Variants in MAPKAP1 observed in about 807,000 individuals in gnomAD.
MAPKAP1 encodes target of rapamycin complex 2 subunit MAPKAP1.
In MAPKAP1, 20 loss-of-function variants were observed where a neutral mutation model predicts 65.7. The ratio of observed to expected loss-of-function variants is 0.30; its 90% CI spans 0.21 to 0.44. The LOEUF is 0.44. Among genes scored for constraint, MAPKAP1 ranks in the 20% least tolerant of loss-of-function variants. MAPKAP1 has a pLI of 1.00. For missense variants in MAPKAP1, 423 were observed against 648.0 expected (o/e 0.65, Z 3.77); for synonymous variants, 222 against 244.3 (o/e 0.91, Z 0.85).
chr9:125,510,929 GT>G (rs1186551847), intron 7 of MAPKAP1, among the ~76,000 whole-genome samples: 2 of 152,098 alleles, frequency 1.3e-5, no homozygotes, highest in African/African-American at 4.8e-5. Flanking sequence ...TAGCCAGGTG[GT>G]TAAGGGCATA....
chr9:125,503,805 C>T (rs1462236894), intron 8 of MAPKAP1, among the ~76,000 whole-genome samples: 1 of 150,360 alleles, frequency 6.7e-6, no homozygotes, highest in East Asian at 1.9e-4. Flanking sequence ...CAACCTCTGC[C>T]TCTCAGGCCC....
At chr9:125,518,986 A>G (rs1217369219) in intron 7 of MAPKAP1, among the ~76,000 whole-genome samples, 1 of 152,220 alleles carries the variant, frequency 6.6e-6, no homozygotes, top group Non-Finnish European at 1.5e-5. Flanking sequence ...GGTTTTTGAC[A>G]GTAGATCATT....
At chr9:125,475,230 C>T (rs376879836) in intron 9 of MAPKAP1, among the ~76,000 whole-genome samples, 49 of 152,240 alleles carry the variant, frequency 3.2e-4, no homozygotes, top group African/African-American at 1.1e-3. Flanking sequence ...AGGGCTTAAA[C>T]AGACCAGCTC....
intron 4 of MAPKAP1, among the ~76,000 whole-genome samples, chr9:125,628,254 A>G (rs1833171924): frequency 6.6e-6 from 1 of 152,218 alleles, no homozygotes; most frequent in African/African-American, 2.4e-5. Context: ...AACACCACAC[A>G]CAACCCACAA....
chr9:125,561,965 C>T (rs1017933944), intron 5 of MAPKAP1, among the ~76,000 whole-genome samples: 2 of 152,104 alleles, frequency 1.3e-5, no homozygotes, highest in Non-Finnish European at 2.9e-5. Flanking sequence ...TCAACATGTC[C>T]ACTGTGTTCC....
intron 1 of MAPKAP1, among the ~76,000 whole-genome samples, chr9:125,688,790 T>G (rs1835066813): frequency 1.3e-5 from 2 of 152,174 alleles, no homozygotes; most frequent in African/African-American, 4.8e-5. Flanking sequence ...TGAGGTAGAT[T>G]CTATTATTCT....
chr9:125,521,785 G>A (rs1829625520), intron 7 of MAPKAP1: 2 of 1,610,236 alleles, frequency 1.2e-6, no homozygotes, highest in East Asian at 2.2e-5. Flanking sequence ...AAAAACAGAA[G>A]AAACAAAAAT....
chr9:125,495,597 T>A (rs912619708), intron 8 of MAPKAP1, among the ~76,000 whole-genome samples: 1 of 152,252 alleles, frequency 6.6e-6, no homozygotes, highest in African/African-American at 2.4e-5. Context: ...TAAGACCAAT[T>A]TCCCTTGAAT....
At chr9:125,632,744 G>A (rs1216316678) in intron 4 of MAPKAP1, among the ~76,000 whole-genome samples, 1 of 152,120 alleles carries the variant, frequency 6.6e-6, no homozygotes, top group Non-Finnish European at 1.5e-5. Context: ...GAACACACAA[G>A]AGACCTACAG....
intron 1 of MAPKAP1, among the ~76,000 whole-genome samples, chr9:125,679,064 C>T (rs1313125127): frequency 2.6e-5 from 4 of 151,190 alleles, no homozygotes; most frequent in Non-Finnish European, 5.9e-5. Context: ...TGCAGCAGTG[C>T]GATCCTGGCT....
chr9:125,703,905 A>G (rs960096900), intron 1 of MAPKAP1, among the ~76,000 whole-genome samples: 2 of 152,218 alleles, frequency 1.3e-5, no homozygotes, highest in African/African-American at 4.8e-5. Flanking sequence ...AGGCTGAATC[A>G]TATAAATCCA....
At position 125,506,379 on chromosome 9, in the gene MAPKAP1, C is replaced by T. The variant is rs991185316; in HGVS notation, c.997G>A (p.Val333Ile). ...YRLEKQSEPN[V>I]AVDLDSTLES... ...AAAGTGCTGTCCAGGTCAACGGCGACATTGGGCTCGCTCTGCTTCTCCAGG... is the reference window on the plus strand; with the variant it reads ...AAAGTGCTGTCCAGGTCAACGGCGATATTGGGCTCGCTCTGCTTCTCCAGG... Residue 333 changes from valine to isoleucine, a missense_variant, in exon 8 of 12, where the codon GTC becomes ATC. Physicochemically the swap from Val to Ile is conservative, Grantham distance 29. Around this residue, in one of 6 missense-constraint regions of MAPKAP1, gnomAD observed 185 missense variants for 268.1 expected, o/e 0.69. Transcript: ENST00000265960. The T allele has an allele frequency of 2.2e-5, 35 of 1,614,150 alleles. No individual in the cohort carries two copies. The highest frequency in any genetic ancestry group is 3.0e-5 in the Non-Finnish European group (35 of 1,180,034).
In MAPKAP1 at chr9:125,603,855, G is replaced by A. The variant is rs184936137; in HGVS notation, c.499-18128C>T. On this transcript the variant is annotated intron_variant, in intron 4 of 11. Transcript: ENST00000265960. ...TGGGCAGACTCTGATAACCTGCCCC[G>A]AGAGGTGGGCAAGGCTTTGGTTTAT... Among the ~76,000 whole-genome samples the A allele has an allele frequency of 6.4e-4, 98 of 152,036 alleles. 2 individuals are homozygous for A. The East Asian group carries it at 0.016, about 24-fold the overall frequency.
chr9:125,664,449 G>C lies in MAPKAP1; in HGVS notation c.349+5369C>G, dbSNP rs558384756. ...TGTCCTATTTATCATGGTAGGCTGG[G>C]TGTGGTGGCTCATGCCTGTAATCCC... On this transcript the variant is annotated intron_variant, in intron 3 of 11. Coordinates refer to ENST00000265960, the MANE Select transcript of MAPKAP1 (RefSeq NM_001006617.3). Among the ~76,000 whole-genome samples, 8 of 152,054 alleles carry C rather than the reference G, an allele frequency of 5.3e-5. No individual in the cohort carries two copies. The South Asian group carries it at 1.7e-3, about 32-fold the overall frequency.
At chr9:125,490,763 T>A (rs762251443) in intron 8 of MAPKAP1, among the ~76,000 whole-genome samples, 10 of 152,204 alleles carry the variant, frequency 6.6e-5, no homozygotes, top group Non-Finnish European at 1.2e-4. Context: ...GAGGCAGATA[T>A]GAAAATCCAG....
At chr9:125,625,255 TA>T (rs58671780) in intron 4 of MAPKAP1, among the ~76,000 whole-genome samples, 28,760 of 63,604 alleles carry the variant, frequency 0.45, 3,395 homozygotes, top group Non-Finnish European at 0.49. Flanking sequence ...AATAAATAAA[TA>T]AAAAAAAAAA....
At chr9:125,566,363 G>C (rs1460220797) in intron 5 of MAPKAP1, among the ~76,000 whole-genome samples, 4 of 152,132 alleles carry the variant, frequency 2.6e-5, no homozygotes, top group Admixed American at 6.5e-5. Context: ...CCAGGAGTTT[G>C]AGACTAGCCT....
intron 4 of MAPKAP1, among the ~76,000 whole-genome samples, chr9:125,605,060 A>G (rs541772935): frequency 6.6e-6 from 1 of 152,352 alleles, no homozygotes; most frequent in East Asian, 1.9e-4. Context: ...CAAACAGAAA[A>G]TAACCTATGG....
At chr9:125,507,628 A>C (rs1829182004) in intron 7 of MAPKAP1, among the ~76,000 whole-genome samples, 1 of 152,176 alleles carries the variant, frequency 6.6e-6, no homozygotes, top group Non-Finnish European at 1.5e-5. Flanking sequence ...CTTTTCTCTA[A>C]CTGGTATTTC....
Sources: allele counts gnomAD v4.1 joint callset (sites outside exome capture counted in the v4.1 genomes callset), GRCh38; gene constraint gnomAD v4.1.1; regional missense constraint gnomAD v4.1.1; transcripts MANE v1.5; gene names NCBI Gene and HGNC (gene_info 2026-07-23, HGNC 2026-07-21).